Variants in ZFP64 observed in about 807,000 individuals in gnomAD.
ZFP64 encodes the protein ZFP64 zinc finger protein, also known as zinc finger protein 64.
ZFP64 carries 14 observed loss-of-function variants against 51.6 expected under a neutral mutation model. The ratio of observed to expected loss-of-function variants is 0.27; its 90% CI spans 0.18 to 0.42. The LOEUF (loss-of-function observed/expected upper bound fraction) is 0.42. ZFP64 is among the 10% of genes least tolerant of loss of function. The pLI, the probability that ZFP64 is intolerant of heterozygous loss-of-function variation, is 1.00. For synonymous variants in ZFP64, 375 were observed against 361.4 expected, an observed-to-expected ratio of 1.04 and a Z score of -0.43; for missense variants, 754 against 906.8, an observed-to-expected ratio of 0.83 and a Z score of 2.16.
intron 2 of ZFP64, among the ~76,000 whole-genome samples, chr20:52,169,882 C>T (rs920335276): frequency 6.6e-5 from 10 of 151,282 alleles, no homozygotes; most frequent in Non-Finnish European, 8.9e-5. Flanking sequence ...GAAGAAACCC[C>T]ATATCGACTA....
At chr20:52,097,616 G>A (rs1017493894) in intron 6 of ZFP64, among the ~76,000 whole-genome samples, 19 of 152,096 alleles carry the variant, frequency 1.2e-4, no homozygotes, top group Non-Finnish European at 1.2e-4. Context: ...CACCACGCCT[G>A]GCTAATTTTT....
At chr20:52,184,092 C>T (rs749279019) in intron 2 of ZFP64, among the ~76,000 whole-genome samples, 4 of 152,082 alleles carry the variant, frequency 2.6e-5, no homozygotes, top group African/African-American at 4.8e-5. Context: ...TCAAGTGATC[C>T]GCCTCGGTCT....
At chr20:52,190,588 T>C (rs977146252) in intron 1 of ZFP64, among the ~76,000 whole-genome samples, 4 of 152,126 alleles carry the variant, frequency 2.6e-5, no homozygotes, top group Non-Finnish European at 5.9e-5. Flanking sequence ...GGGTTCTTAC[T>C]GAGGTACACT....
At chr20:52,111,068 G>A in intron 5 of ZFP64, 2 of 1,174,160 alleles carry the variant, frequency 1.7e-6, no homozygotes, top group Non-Finnish European at 2.5e-6. Flanking sequence ...GAGAGGAGCA[G>A]GAAGCCCAGG....
intron 5 of ZFP64, among the ~76,000 whole-genome samples, chr20:52,102,305 G>C (rs186718793): frequency 6.6e-6 from 1 of 152,124 alleles, no homozygotes; most frequent in East Asian, 1.9e-4. Context: ...CAGGTGGCAG[G>C]GGCTCCCATT....
chr20:52,112,887 G>A (rs546282641), intron 5 of ZFP64, among the ~76,000 whole-genome samples: 30 of 152,136 alleles, frequency 2.0e-4, no homozygotes, highest in African/African-American at 7.0e-4. Flanking sequence ...AAAGTACTGG[G>A]ATTACAGGCA....
At chr20:52,167,870 T>C (rs1205703959) in intron 2 of ZFP64, among the ~76,000 whole-genome samples, 2 of 152,212 alleles carry the variant, frequency 1.3e-5, no homozygotes, top group Non-Finnish European at 2.9e-5. Flanking sequence ...AGCACTAATA[T>C]CCATGCCACA....
rs1327187924 is a variant in ZFP64, at chr20:52,090,961, T to C, written c.977-2318A>G. On this transcript the variant is annotated intron_variant, in intron 7 of 8. Coordinates refer to the ZFP64 transcript ENST00000361387. ...AAAAAAAAAAAAAAAAAGGATTTGCTACGTGTGGTGGTATACCCTTGTAGT... is the reference window on the plus strand; with the variant it reads ...AAAAAAAAAAAAAAAAAGGATTTGCCACGTGTGGTGGTATACCCTTGTAGT... Among the ~76,000 whole-genome samples, 3 of 137,374 alleles carry C rather than the reference T, an allele frequency of 2.2e-5. No homozygotes were observed. In the Admixed American group the frequency reaches 2.2e-4, roughly 10 times the overall value. The allele number at this position is 137,374 out of a possible 152,430, so 90.1% of individuals were successfully genotyped here.
intron 5 of ZFP64, among the ~76,000 whole-genome samples, chr20:52,102,868 G>A (rs1032483675): frequency 1.3e-5 from 2 of 152,196 alleles, no homozygotes; most frequent in Non-Finnish European, 2.9e-5. Context: ...AGTCAATACT[G>A]TATAAATGCT....
chr20:52,146,377 C>T (rs1223034087), downstream of ZFP64, among the ~76,000 whole-genome samples: 1 of 147,678 alleles, frequency 6.8e-6, no homozygotes, highest in Non-Finnish European at 1.5e-5. Context: ...GGCACATATA[C>T]ACCATGGAAT....
intron 5 of ZFP64, among the ~76,000 whole-genome samples, chr20:52,134,179 C>T (rs1979861115): frequency 1.3e-5 from 2 of 152,006 alleles, no homozygotes; most frequent in Admixed American, 1.3e-4. Context: ...TTTTAAGTCC[C>T]TGTATTTGTA....
At chr20:52,112,705 C>T (rs772179648) in intron 5 of ZFP64, among the ~76,000 whole-genome samples, 2 of 151,758 alleles carry the variant, frequency 1.3e-5, no homozygotes, top group Non-Finnish European at 2.9e-5. Context: ...GTCTCAACTT[C>T]CAGGTCTCAA....
chr20:52,099,481 T>G (rs2079028216), intron 5 of ZFP64, among the ~76,000 whole-genome samples: 1 of 152,184 alleles, frequency 6.6e-6, no homozygotes, highest in African/African-American at 2.4e-5. Context: ...AAGCAAAGAC[T>G]GAGAGACTTG....
intron 3 of ZFP64, chr20:52,165,589 T>C (rs955589140): frequency 1.6e-6 from 1 of 615,888 alleles, no homozygotes; most frequent in African/African-American, 1.8e-5. Flanking sequence ...TCCTAAGCTA[T>C]AGCATAGGAA....
At chr20:52,097,482 T>G (rs760659118) in intron 6 of ZFP64, 52 of 1,547,256 alleles carry the variant, frequency 3.4e-5, no homozygotes, top group African/African-American at 8.5e-5. Context: ...GGAGACAGAG[T>G]TTTGCTCTGT....
At chr20:52,132,874 C>G (rs1979788536) in intron 5 of ZFP64, among the ~76,000 whole-genome samples, 1 of 150,732 alleles carries the variant, frequency 6.6e-6, no homozygotes, top group Non-Finnish European at 1.5e-5. Flanking sequence ...CAGTGTTACC[C>G]TGATACCAAA....
intron 5 of ZFP64, among the ~76,000 whole-genome samples, chr20:52,135,680 G>C (rs957733263): frequency 6.6e-6 from 1 of 151,948 alleles, no homozygotes; most frequent in Non-Finnish European, 1.5e-5. Flanking sequence ...GTAGAGGCAG[G>C]GTTTCGACAT....
At chr20:52,133,267 C>G (rs1600736835) in intron 5 of ZFP64, among the ~76,000 whole-genome samples, 1 of 152,112 alleles carries the variant, frequency 6.6e-6, no homozygotes, top group East Asian at 1.9e-4. Context: ...TAGGGAAAAA[C>G]TGAAAGATTT....
intron 5 of ZFP64, chr20:52,117,609 ACT>A (rs749658232): frequency 5.3e-5 from 24 of 456,028 alleles, no homozygotes; most frequent in Non-Finnish European, 8.4e-5. Context: ...ACAGAGCGAA[ACT>A]CTGTCTCAAA....
Sources: allele counts gnomAD v4.1 joint callset (sites outside exome capture counted in the v4.1 genomes callset), GRCh38; gene constraint gnomAD v4.1.1; transcripts MANE v1.5; gene names NCBI Gene and HGNC (gene_info 2026-07-23, HGNC 2026-07-21).